The following EXT1 variants were observed in gnomAD, a reference collection of about 807,000 sequenced individuals.
EXT1 encodes exostosin glycosyltransferase 1.
Under a neutral mutation model 82.5 loss-of-function variants are expected in EXT1, and 20 were observed. That is an observed-to-expected ratio of 0.24 (90% CI 0.17 to 0.35). EXT1 has a LOEUF of 0.35. EXT1 is among the 10% of genes least tolerant of loss of function. The pLI is 1.00. For missense variants in EXT1, 757 were observed against 936.5 expected, an observed-to-expected ratio of 0.81 and a Z score of 2.50; for synonymous variants, 348 against 350.8, an observed-to-expected ratio of 0.99 and a Z score of 0.09.
At position 117,795,488 on chromosome 8, in the gene EXT1, T is replaced by TA. The variant is rs1200346780; in HGVS notation, c.*4223_*4224insT. ...GGGTACTTAATCCCCCAAGCTTTTT[T>TA]TTTTTTTTAAAGAAAAAAAAAAGGG... On this transcript the variant is annotated 3_prime_UTR_variant, in exon 11 of 11. Coordinates refer to ENST00000378204, the MANE Select transcript of EXT1 (RefSeq NM_000127.3). The TA allele has an allele frequency of 1.3e-5, 2 of 150,930 alleles. No individual in the cohort carries two copies. Among genetic ancestry groups the TA allele is most frequent in the African/African-American group, 4.9e-5 (2 of 40,990 alleles). 9.3% of individuals were successfully genotyped at this position (150,930 alleles called of 1,614,324 possible). A position where few individuals can be genotyped will look rare whatever the true frequency, so the allele number is the denominator to read the frequency against.
chr8:117,923,782 T>A (rs965552058), intron 1 of EXT1, among the ~76,000 whole-genome samples: 2 of 150,934 alleles, frequency 1.3e-5, no homozygotes, highest in African/African-American at 4.9e-5. Flanking sequence ...TTTCCACTCA[T>A]CCCCAAAGCG....
chr8:118,058,040 G>A (rs1035383425), intron 1 of EXT1, among the ~76,000 whole-genome samples: 5 of 151,116 alleles, frequency 3.3e-5, no homozygotes, highest in Admixed American at 2.6e-4. Context: ...GCAAACCACT[G>A]TCACTACCTG....
chr8:117,975,590 C>T (rs1815046350), intron 1 of EXT1, among the ~76,000 whole-genome samples: 1 of 152,132 alleles, frequency 6.6e-6, no homozygotes. Context: ...TTCATGCTCT[C>T]TCATCACCAC....
chr8:118,070,546 T>C (rs1817071970), intron 1 of EXT1, among the ~76,000 whole-genome samples: 1 of 152,122 alleles, frequency 6.6e-6, no homozygotes, highest in Admixed American at 6.5e-5. Context: ...TTAGGGAAAA[T>C]CGGAACTGAT....
At chr8:118,094,123 T>G (rs1817568659) in intron 1 of EXT1, among the ~76,000 whole-genome samples, 1 of 152,236 alleles carries the variant, frequency 6.6e-6, no homozygotes, top group Admixed American at 6.5e-5. Context: ...GCACATTTGC[T>G]ACCCGTTTTA....
chr8:117,908,778 A>G (rs992892301), intron 1 of EXT1, among the ~76,000 whole-genome samples: 1 of 152,202 alleles, frequency 6.6e-6, no homozygotes. Context: ...TTGATGACAG[A>G]AAGAGGAGCA....
In EXT1 at chr8:117,919,239, G is replaced by A. The variant is rs534369693; in HGVS notation, c.963-82038C>T. ...GTGTCATTTTGTCACCCAGGCTGGA[G>A]TGGTGGTGTGATCACATCCCACTGT... On this transcript the variant is annotated intron_variant, in intron 1 of 10. Coordinates refer to ENST00000378204, the MANE Select transcript of EXT1 (RefSeq NM_000127.3). 1.1e-4 allele frequency among the ~76,000 whole-genome samples: 16 copies of A among 151,922 alleles called. No homozygotes were observed. In the South Asian group the frequency reaches 3.3e-3, roughly 32 times the overall value.
At chr8:118,078,735 T>G (rs572906145) in intron 1 of EXT1, among the ~76,000 whole-genome samples, 10 of 152,050 alleles carry the variant, frequency 6.6e-5, no homozygotes, top group Non-Finnish European at 1.5e-4. Flanking sequence ...TATTCATAAA[T>G]AGGGAAATAT....
chr8:117,868,890 G>A (rs1434683902), intron 1 of EXT1, among the ~76,000 whole-genome samples: 13 of 152,102 alleles, frequency 8.5e-5, no homozygotes, highest in Non-Finnish European at 5.9e-5. Context: ...AGCAGGGCCT[G>A]ATACCCACTG....
At chr8:118,078,738 G>A (rs531941805) in intron 1 of EXT1, among the ~76,000 whole-genome samples, 9 of 152,120 alleles carry the variant, frequency 5.9e-5, no homozygotes, top group Admixed American at 1.3e-4. Flanking sequence ...TCATAAATAG[G>A]GAAATATGAG....
At chr8:117,942,771 A>C (rs17504750) in intron 1 of EXT1, among the ~76,000 whole-genome samples, 8,707 of 152,256 alleles carry the variant, frequency 0.057, 872 homozygotes, top group African/African-American at 0.2. Context: ...AGTTCTGTTG[A>C]ATGTTTTTTT....
intron 1 of EXT1, among the ~76,000 whole-genome samples, chr8:117,936,379 T>A (rs1814163158): frequency 6.6e-6 from 1 of 152,204 alleles, no homozygotes; most frequent in African/African-American, 2.4e-5. Flanking sequence ...GAAGTGTGAG[T>A]GCAGCTGCCA....
At chr8:117,922,437 GT>G (rs1813873947) in intron 1 of EXT1, among the ~76,000 whole-genome samples, 1 of 152,200 alleles carries the variant, frequency 6.6e-6, no homozygotes, top group Non-Finnish European at 1.5e-5. Flanking sequence ...CGTTACTAGA[GT>G]AGGTTGGTAG....
At chr8:117,876,602 G>A (rs1300212682) in intron 1 of EXT1, among the ~76,000 whole-genome samples, 1 of 152,110 alleles carries the variant, frequency 6.6e-6, no homozygotes, top group Non-Finnish European at 1.5e-5. Context: ...AAGGACGTAG[G>A]ATAAAATAAA....
In EXT1 at chr8:117,970,732, T is replaced by C. The variant is rs2129740445; in HGVS notation, c.963-133531A>G. ...AAGTGCTCACATCACAACTTAGCAG[T>C]TACAAACTTCATTGAGTGGAATCCA... On this transcript the variant is annotated intron_variant, in intron 1 of 10. Coordinates refer to ENST00000378204, the MANE Select transcript of EXT1 (RefSeq NM_000127.3). Among the ~76,000 whole-genome samples, 2 of 152,268 alleles carry C rather than the reference T, an allele frequency of 1.3e-5. 1 individual carries two copies. The highest frequency in any genetic ancestry group is 4.2e-4 in the South Asian group (2 of 4,818).
intron 1 of EXT1, among the ~76,000 whole-genome samples, chr8:117,926,802 A>G (rs1231350284): frequency 1.3e-5 from 2 of 152,162 alleles, no homozygotes; most frequent in African/African-American, 2.4e-5. Flanking sequence ...TTTACCTTCT[A>G]TTTGGATGGA....
chr8:117,984,628 C>T (rs1411381924), intron 1 of EXT1, among the ~76,000 whole-genome samples: 2 of 151,976 alleles, frequency 1.3e-5, no homozygotes, highest in East Asian at 1.9e-4. Context: ...GGGGCTGAAG[C>T]GGGTTGAACA....
At chr8:117,999,523 C>G (rs1410446670) in intron 1 of EXT1, among the ~76,000 whole-genome samples, 1 of 152,154 alleles carries the variant, frequency 6.6e-6, no homozygotes, top group East Asian at 1.9e-4. Context: ...GATCAGCTCC[C>G]ACAGAAACAT....
Position 118,110,191 on chromosome 8 carries a change from C to G in EXT1, c.856G>C (p.Val286Leu), listed in dbSNP as rs551552671. ...AGCACAACGTCCTCCCCGTTATGGA[C>G]GTGATATAAGGCATTCCTGGTGTCT... is the stretch of plus-strand genomic sequence containing the variant. The part of the protein sequence containing the change: ...GSDTRNALYH[V>L]HNGEDVVLLT... The change falls in exon 1 of 11, where the codon GTC becomes CTC. Residue 286 changes from valine to leucine, a missense_variant. Around this residue, in one of 4 missense-constraint regions of EXT1, gnomAD observed 247 missense variants for 330.1 expected, o/e 0.75. Transcript: ENST00000378204. The G allele has an allele frequency of 6.2e-7, 1 of 1,614,196 alleles. No homozygotes were observed. Among genetic ancestry groups the G allele is most frequent in the Admixed American group, 1.7e-5 (1 of 60,034 alleles).
Sources: allele counts gnomAD v4.1 joint callset (sites outside exome capture counted in the v4.1 genomes callset), GRCh38; gene constraint gnomAD v4.1.1; regional missense constraint gnomAD v4.1.1; transcripts MANE v1.5; gene names NCBI Gene and HGNC (gene_info 2026-07-23, HGNC 2026-07-21).